CEP170: variants seen among roughly 807,000 people sequenced by gnomAD.
The protein encoded by CEP170 is centrosomal protein 170.
CEP170 carries 21 observed loss-of-function variants against 151.9 expected under a neutral mutation model. The observed-to-expected ratio is 0.14, with a 90% confidence interval of 0.10 to 0.20. The LOEUF (loss-of-function observed/expected upper bound fraction) is 0.20, where lower values mean the gene tolerates loss of function less well. Ranked by LOEUF, CEP170 falls within the 10% of genes least tolerant of loss-of-function variation. The probability of loss-of-function intolerance (pLI) is 1.00; values close to 1 mark genes in which losing one functional copy is unlikely to be tolerated. For missense variants in CEP170, 964 were observed against 1,892.9 expected, an observed-to-expected ratio of 0.51 and a Z score of 9.11; for synonymous variants, 356 against 648.8, an observed-to-expected ratio of 0.55 and a Z score of 6.86.
chr1:243,206,415 G>C (rs1333411165), intron 4 of CEP170, among the ~76,000 whole-genome samples: 1 of 152,212 alleles, frequency 6.6e-6, no homozygotes, highest in African/African-American at 2.4e-5. Context: ...TTATAGGCGT[G>C]GGCCACCATG....
rs769533803 is a variant in CEP170, at chr1:243,165,236, T to C, written c.2724A>G (p.Leu908=). 2.4e-5 allele frequency: 38 copies of C among 1,594,324 alleles called. No individual in the cohort carries two copies. In the East Asian group the frequency reaches 8.5e-4, roughly 36 times the overall value. Residue 908 remains leucine, a synonymous_variant, in exon 13 of 20, where the codon CTA becomes CTG. Coordinates refer to ENST00000366542, the MANE Select transcript of CEP170 (RefSeq NM_014812.3). ...CTTCATCAGTTTTATTATCTTCACG[T>C]AGTTTAGCTTCTAGAAAAGCCATTA... ...EAVMAFLEAK[L]REDNKTDEGP... is the part of the protein sequence containing the mutation.
At chr1:243,143,679 T>C (rs1201589417) in intron 14 of CEP170, among the ~76,000 whole-genome samples, 6 of 150,010 alleles carry the variant, frequency 4.0e-5, no homozygotes, top group African/African-American at 1.5e-4. Flanking sequence ...TAAAAGTATA[T>C]ATGAAAGTTT....
intron 17 of CEP170, among the ~76,000 whole-genome samples, chr1:243,132,813 T>C (rs960846227): frequency 6.6e-6 from 1 of 152,194 alleles, no homozygotes; most frequent in Non-Finnish European, 1.5e-5. Flanking sequence ...GAATGAGTGG[T>C]TAAGACTCCA....
intron 1 of CEP170, among the ~76,000 whole-genome samples, chr1:243,250,570 T>C (rs934922202): frequency 1.3e-5 from 2 of 152,202 alleles, no homozygotes; most frequent in Non-Finnish European, 2.9e-5. Flanking sequence ...TTTTATTGGT[T>C]AATCAGGAAC....
intron 1 of CEP170, 83 bp from the exon 2 acceptor site, chr1:243,225,404 A>G: frequency 1.8e-6 from 1 of 545,434 alleles, no homozygotes; most frequent in South Asian, 2.6e-5. Context: ...AGGCCTAAGA[A>G]TAGAACTGCG....
chr1:243,152,244 C>G (rs1446381440), intron 14 of CEP170, among the ~76,000 whole-genome samples: 1 of 146,384 alleles, frequency 6.8e-6, no homozygotes, highest in African/African-American at 2.5e-5. Context: ...TTTTTTGAGA[C>G]GGAGTCTCGC....
intron 1 of CEP170, among the ~76,000 whole-genome samples, chr1:243,238,662 G>A (rs1443307376): frequency 1.3e-5 from 2 of 152,102 alleles, no homozygotes; most frequent in Non-Finnish European, 2.9e-5. Context: ...GTACTAGAGT[G>A]TATGGTATAT....
At chr1:243,254,157 G>C (rs1031733705) in intron 1 of CEP170, among the ~76,000 whole-genome samples, 1 of 151,310 alleles carries the variant, frequency 6.6e-6, no homozygotes, top group Non-Finnish European at 1.5e-5. Context: ...GACTCCAGCA[G>C]GCATAGTCCC....
chr1:243,248,872 C>T (rs1274297288), intron 1 of CEP170, among the ~76,000 whole-genome samples: 1 of 152,162 alleles, frequency 6.6e-6, no homozygotes, highest in Non-Finnish European at 1.5e-5. Context: ...TCCTCACTCA[C>T]CTTCAGCCAC....
At chr1:243,242,232 T>G (rs906921424) in intron 1 of CEP170, among the ~76,000 whole-genome samples, 1 of 152,134 alleles carries the variant, frequency 6.6e-6, no homozygotes, top group South Asian at 2.1e-4. Flanking sequence ...TTCTTTTTTC[T>G]TTTTTTGGGA....
Position 243,125,001 on chromosome 1 carries a change from A to G in CEP170, c.*1448T>C, listed in dbSNP as rs906366061. 6.6e-6 allele frequency: 1 copy of G among 152,170 alleles called. No individual in the cohort carries two copies. The highest frequency in any genetic ancestry group is 2.4e-5 in the African/African-American group (1 of 41,430). 9.4% of individuals were successfully genotyped at this position (152,170 alleles called of 1,614,324 possible). ...CAATACAGGATTTAAAAAATCCTGT[A>G]AAGTCTTGAAGTGTATAGAGTTACT... On this transcript the variant is annotated 3_prime_UTR_variant, in exon 20 of 20. Transcript: ENST00000366542.
intron 2 of CEP170, among the ~76,000 whole-genome samples, chr1:243,224,384 C>A (rs939257469): frequency 6.6e-6 from 1 of 151,934 alleles, no homozygotes; most frequent in African/African-American, 2.4e-5. Flanking sequence ...TTCGGCTTCC[C>A]CGGGCCACAC....
chr1:243,239,130 G>A (rs764643320), intron 1 of CEP170, among the ~76,000 whole-genome samples: 5 of 152,108 alleles, frequency 3.3e-5, no homozygotes, highest in Non-Finnish European at 5.9e-5. Context: ...CTGCTTACGA[G>A]TCATTTCCAG....
intron 12 of CEP170, among the ~76,000 whole-genome samples, chr1:243,167,608 A>G (rs1490949651): frequency 1.3e-5 from 2 of 151,832 alleles, no homozygotes; most frequent in East Asian, 1.9e-4. Flanking sequence ...TTTTAGGGAT[A>G]AATGGAGAAA....
At chr1:243,148,319 C>G (rs1274577658) in intron 14 of CEP170, among the ~76,000 whole-genome samples, 1 of 151,490 alleles carries the variant, frequency 6.6e-6, no homozygotes, top group Non-Finnish European at 1.5e-5. Context: ...GCCTGTAATC[C>G]TAGCACTTTG....
chr1:243,134,207 G>A (rs1051710336), intron 17 of CEP170, among the ~76,000 whole-genome samples: 2 of 152,110 alleles, frequency 1.3e-5, no homozygotes, highest in African/African-American at 4.8e-5. Flanking sequence ...AAGCTGACTG[G>A]TTTACATGAT....
At chr1:243,253,593 T>C (rs142074210) in intron 1 of CEP170, among the ~76,000 whole-genome samples, 1 of 152,348 alleles carries the variant, frequency 6.6e-6, no homozygotes, top group East Asian at 1.9e-4. Flanking sequence ...TAAGTTGCTA[T>C]TCATCAGTGT....
intron 1 of CEP170, among the ~76,000 whole-genome samples, chr1:243,239,027 T>C (rs991321219): frequency 6.6e-6 from 1 of 152,218 alleles, no homozygotes; most frequent in Admixed American, 6.5e-5. Flanking sequence ...CTTTGGGACT[T>C]CTTTGAAAAC....
chr1:243,227,199 C>T (rs1295607558), intron 1 of CEP170, among the ~76,000 whole-genome samples: 1 of 151,890 alleles, frequency 6.6e-6, no homozygotes, highest in Non-Finnish European at 1.5e-5. Context: ...CTGTTAAGCT[C>T]ATGATGGCAG....
Sources: gnomAD v4.1 joint callset for allele counts (sites outside exome capture counted in the v4.1 genomes callset) on GRCh38, gnomAD v4.1.1 for gene constraint, MANE v1.5 for transcripts, NCBI Gene and HGNC (gene_info 2026-07-23, HGNC 2026-07-21) for gene names.